The following PCDHA1 variants were observed in gnomAD, a reference collection of about 807,000 sequenced individuals.
PCDHA1 encodes protocadherin alpha 1.
In PCDHA1, 42 loss-of-function variants were observed where a neutral mutation model predicts 61.3. The ratio of observed to expected loss-of-function variants is 0.69; its 90% CI spans 0.54 to 0.89. The LOEUF is 0.89. Ranked by LOEUF, PCDHA1 falls within the 40% of genes least tolerant of loss-of-function variation. PCDHA1 has a pLI of 0.00. For synonymous variants in PCDHA1, 610 were observed against 553.8 expected (o/e 1.10, Z -1.43); for missense variants, 1,256 against 1,235.3 (o/e 1.02, Z -0.25).
At chr5:140,851,191 T>A in intron 1 of PCDHA1, 1 of 1,215,936 alleles carries the variant, frequency 8.2e-7, no homozygotes, top group Non-Finnish European at 1.1e-6. Flanking sequence ...ACCAATTTAG[T>A]TGTTAGTCAT....
At chr5:140,967,253 C>T in intron 1 of PCDHA1, 4 of 1,613,546 alleles carry the variant, frequency 2.5e-6, no homozygotes, top group South Asian at 1.1e-5. Context: ...ATCGGTGGCG[C>T]CTGGAGCGCG....
In PCDHA1 at chr5:141,003,833, A is replaced by G. The variant is rs1215772990; in HGVS notation, c.2543-5794A>G. On this transcript the variant is annotated intron_variant, in intron 3 of 3. Transcript: ENST00000504120. ...AGTCTGGGAAGGGCTCTGCCTAACG[A>G]TTCAGACCCCTACCAGATTTATATG... is the stretch of plus-strand genomic sequence containing the variant. 2.6e-5 allele frequency among the ~76,000 whole-genome samples: 4 copies of G among 152,176 alleles called. No individual in the cohort carries two copies. In the East Asian group the frequency reaches 7.7e-4, roughly 29 times the overall value.
In PCDHA1 at chr5:140,858,410, T is replaced by C; in HGVS notation, c.2394+69726T>C. ...GGTAGATGTGGACGGGGAAGATCAG[T>C]CTATTGGAGGGGACCACTCTAGGAA... On this transcript the variant is annotated intron_variant, in intron 1 of 3. Transcript: ENST00000504120. 7.7e-6 allele frequency: 12 copies of C among 1,565,560 alleles called. 2 individuals are homozygous for C. The highest frequency in any genetic ancestry group is 1.0e-5 in the Non-Finnish European group (12 of 1,147,708).
intron 1 of PCDHA1, chr5:140,856,072 G>A: frequency 6.3e-7 from 1 of 1,592,122 alleles, no homozygotes; most frequent in Non-Finnish European, 8.6e-7. Flanking sequence ...GTAGCTGCCT[G>A]GGGGTCCAGT....
intron 1 of PCDHA1, chr5:140,823,575 G>C: frequency 6.2e-7 from 1 of 1,613,976 alleles, no homozygotes; most frequent in Non-Finnish European, 8.5e-7. Flanking sequence ...ACCCTGATTC[G>C]GGCTACAACG....
chr5:141,000,403 A>C (rs1233777704), intron 3 of PCDHA1, among the ~76,000 whole-genome samples: 120 of 84,052 alleles, frequency 1.4e-3, no homozygotes, highest in East Asian at 4.6e-3. Context: ...CTCTATATAT[A>C]TATATATATA....
chr5:140,908,880 A>C (rs1342304863), intron 1 of PCDHA1, among the ~76,000 whole-genome samples: 1 of 152,204 alleles, frequency 6.6e-6, no homozygotes, highest in Non-Finnish European at 1.5e-5. Context: ...TCCAAAATCC[A>C]ATAGTCCCAA....
At chr5:140,830,541 T>C in intron 1 of PCDHA1, 4 of 1,203,448 alleles carry the variant, frequency 3.3e-6, no homozygotes, top group Non-Finnish European at 4.5e-6. Context: ...ATAATTGTTT[T>C]CCTCATATTT....
rs116952410 is a variant in PCDHA1, at chr5:140,893,392, C to A, written c.2395-85557C>A. On this transcript the variant is annotated intron_variant, in intron 1 of 3. Coordinates refer to ENST00000504120, the MANE Select transcript of PCDHA1 (RefSeq NM_018900.4). ...AGCATTTATGGGACAGTGGCTCATG[C>A]CTGTAATCCCAGCACTTAGGGAGGC... 2.0e-5 allele frequency among the ~76,000 whole-genome samples: 3 copies of A among 152,230 alleles called. No individual in the cohort carries two copies. The East Asian group carries it at 5.8e-4, about 29-fold the overall frequency.
intron 1 of PCDHA1, chr5:140,843,311 A>T: frequency 6.3e-7 from 1 of 1,595,942 alleles, no homozygotes; most frequent in Non-Finnish European, 8.6e-7. Flanking sequence ...CGCCACGGCC[A>T]CGGTTCTGGT....
At chr5:140,839,656 G>A (rs2150299542) in intron 1 of PCDHA1, among the ~76,000 whole-genome samples, 4 of 152,154 alleles carry the variant, frequency 2.6e-5, no homozygotes, top group Admixed American at 1.3e-4. Context: ...CAAATTGTTT[G>A]CTACTATTTA....
intron 1 of PCDHA1, among the ~76,000 whole-genome samples, chr5:140,800,356 G>T (rs1189483856): frequency 6.6e-6 from 1 of 152,048 alleles, no homozygotes; most frequent in Admixed American, 6.5e-5. Flanking sequence ...CTTGAAAAAG[G>T]GGCATGGGAG....
At chr5:140,937,568 G>T (rs1342447969) in intron 1 of PCDHA1, among the ~76,000 whole-genome samples, 1 of 151,920 alleles carries the variant, frequency 6.6e-6, no homozygotes, top group East Asian at 1.9e-4. Context: ...AGTGAGCTGG[G>T]ATCGCGTCAC....
At chr5:140,911,591 A>G (rs2075552073) in intron 1 of PCDHA1, among the ~76,000 whole-genome samples, 2 of 152,222 alleles carry the variant, frequency 1.3e-5, no homozygotes, top group Non-Finnish European at 1.5e-5. Context: ...AGGAGGAACC[A>G]ACCAACTTCA....
chr5:140,804,074 T>C (rs6579987), intron 1 of PCDHA1: 91,385 of 159,604 alleles, frequency 0.57, 26,943 homozygotes, highest in African/African-American at 0.7. Context: ...CACCTTCAGT[T>C]TCAAAAATTA....
intron 1 of PCDHA1, among the ~76,000 whole-genome samples, chr5:140,950,807 A>G (rs2094520743): frequency 6.6e-6 from 1 of 152,104 alleles, no homozygotes; most frequent in African/African-American, 2.4e-5. Context: ...TGGTTTTACC[A>G]TAGTAGGGTT....
chr5:140,846,705 G>C (rs1780632800), intron 1 of PCDHA1, among the ~76,000 whole-genome samples: 1 of 149,364 alleles, frequency 6.7e-6, no homozygotes, highest in Admixed American at 6.7e-5. Context: ...AGAGAAGATT[G>C]TAATAACCAG....
chr5:140,938,807 A>G (rs1253557528), intron 1 of PCDHA1, among the ~76,000 whole-genome samples: 1 of 152,020 alleles, frequency 6.6e-6, no homozygotes, highest in Non-Finnish European at 1.5e-5. Context: ...GGTACCACAA[A>G]CCCCTGTGAC....
intron 3 of PCDHA1, among the ~76,000 whole-genome samples, chr5:140,993,452 T>C (rs1218728585): frequency 1.5e-5 from 2 of 135,256 alleles, no homozygotes; most frequent in Non-Finnish European, 3.1e-5. Flanking sequence ...CTGTTCTCCT[T>C]CTTTCTTTCT....
Sources: allele counts gnomAD v4.1 joint callset (sites outside exome capture counted in the v4.1 genomes callset), GRCh38; gene constraint gnomAD v4.1.1; transcripts MANE v1.5; gene names NCBI Gene and HGNC (gene_info 2026-07-23, HGNC 2026-07-21).